HMGXB3: variants seen among roughly 807,000 people sequenced by gnomAD.
HMGXB3 encodes HMG domain-containing protein 3.
A neutral mutation model predicts 121.5 loss-of-function variants in HMGXB3; 45 were observed. That is an observed-to-expected ratio of 0.37 (90% CI 0.29 to 0.47). The LOEUF is 0.47. Among genes scored for constraint, HMGXB3 ranks in the 20% least tolerant of loss-of-function variants. The probability of loss-of-function intolerance (pLI) is 0.99; values close to 1 mark genes in which losing one functional copy is unlikely to be tolerated. For synonymous variants in HMGXB3, 590 were observed against 624.1 expected (o/e 0.95, Z 0.81); for missense variants, 1,376 against 1,602.2 (o/e 0.86, Z 2.41).
At chr5:150,015,005 C>T in intron 5 of HMGXB3, 1 of 674,836 alleles carries the variant, frequency 1.5e-6, no homozygotes, top group Non-Finnish European at 2.2e-6. Context: ...TCTGCGAATA[C>T]CAAACCACCA....
In HMGXB3 at chr5:150,045,288, G is replaced by A. The variant is rs1288791503; in HGVS notation, c.2731-178G>A. On this transcript the variant is annotated intron_variant, in intron 15 of 19. Coordinates refer to ENST00000502717, the MANE Select transcript of HMGXB3 (RefSeq NM_014983.3). ...ACTATGGTGTGAGGGAAAGAAATGT[G>A]ACCAAAAGGCAGGTGGGTACAGAGC... Among the ~76,000 whole-genome samples, 3 of 152,178 alleles carry A rather than the reference G, an allele frequency of 2.0e-5. No homozygotes were observed. The East Asian group carries it at 5.8e-4, about 29-fold the overall frequency.
chr5:150,028,643 T>C (rs1183724312), intron 9 of HMGXB3, among the ~76,000 whole-genome samples: 1 of 147,448 alleles, frequency 6.8e-6, no homozygotes, highest in African/African-American at 2.5e-5. Context: ...CATAGCTCAC[T>C]GCAGCCTCGA....
rs1316148010 is a variant in HMGXB3, at chr5:150,012,363, G to A, written c.909+10G>A. On this transcript the variant is annotated intron_variant, in intron 5 of 19. Coordinates refer to ENST00000502717, the MANE Select transcript of HMGXB3 (RefSeq NM_014983.3). ...CACCTCCATCAAACTGGTCAGTACT[G>A]TATGTGGGGGATTGATGGCAATTAG... 6.5e-7 allele frequency: 1 copy of A among 1,532,568 alleles called. No individual in the cohort carries two copies. Among genetic ancestry groups the A allele is most frequent in the Non-Finnish European group, 8.9e-7 (1 of 1,129,198 alleles). 94.9% of individuals were successfully genotyped at this position (1,532,568 alleles called of 1,614,324 possible).
At position 150,051,846 on chromosome 5, in the gene HMGXB3, A is replaced by G. The variant is rs1377228921; in HGVS notation, c.3533A>G (p.Gln1178Arg). Residue 1178 changes from glutamine to arginine, a missense_variant, in exon 20 of 20, where the codon CAG (glutamine) becomes CGG (arginine). This residue lies in a region of HMGXB3 where 260 missense variants were observed against 233.2 expected (regional missense o/e 1.11). Coordinates refer to ENST00000502717, the MANE Select transcript of HMGXB3 (RefSeq NM_014983.3). ...CGGCGCATCGTCCATGCAGGCCTACAGCCCAATCCTGGTGACCCCAGTGCT... is the reference window on the plus strand; with the variant it reads ...CGGCGCATCGTCCATGCAGGCCTACGGCCCAATCCTGGTGACCCCAGTGCT... ...ATRRIVHAGL[Q>R]PNPGDPSAGH... 5 of 1,550,616 alleles carry G rather than the reference A, an allele frequency of 3.2e-6. No homozygotes were observed. Among genetic ancestry groups the G allele is most frequent in the East Asian group, 2.4e-5 (1 of 40,942 alleles).
intron 3 of HMGXB3, among the ~76,000 whole-genome samples, chr5:150,007,338 C>A (rs1755725658): frequency 6.6e-6 from 1 of 152,070 alleles, no homozygotes; most frequent in African/African-American, 2.4e-5. Context: ...TTGAGAGTAT[C>A]CCTGTCATGG....
chr5:150,037,364 C>T, intron 12 of HMGXB3, 36 bp from the exon 13 acceptor site: 3 of 1,499,470 alleles, frequency 2.0e-6, no homozygotes, highest in Non-Finnish European at 2.7e-6. Context: ...GTCTCTTTCC[C>T]TTCTTTTTTT....
intron 16 of HMGXB3, among the ~76,000 whole-genome samples, chr5:150,046,908 C>T (rs552391803): frequency 6.8e-5 from 10 of 146,862 alleles, no homozygotes; most frequent in East Asian, 4.1e-4. Flanking sequence ...TTTTTTGAGA[C>T]GGAGTCCTGC....
At chr5:150,015,407 C>T (rs1465248270) in intron 5 of HMGXB3, among the ~76,000 whole-genome samples, 1 of 152,168 alleles carries the variant, frequency 6.6e-6, no homozygotes, top group African/African-American at 2.4e-5. Context: ...GCCCCAGTCT[C>T]TCAGGTAGCT....
Position 150,018,569 on chromosome 5 carries a change from A to G in HMGXB3, c.913A>G (p.Thr305Ala). 6.5e-7 allele frequency: 1 copy of G among 1,545,928 alleles called. No homozygotes were observed. Among genetic ancestry groups the G allele is most frequent in the Non-Finnish European group, 8.7e-7 (1 of 1,144,464 alleles). The stretch of plus-strand genomic sequence containing the variant: ...CTGATGTGCTCTTTATTTACAGACC[A>G]CTACATATACCCGCCGGGGCCATGG... Reference protein sequence around the residue: ...VENPTSIKLTTTYTRRGHGTC... With the variant: ...VENPTSIKLTATYTRRGHGTC... The change falls in exon 6 of 20, where the codon ACT becomes GCT. Residue 305 changes from threonine (T) to alanine (A), a missense_variant. By Grantham distance (58) the Thr-to-Ala change is moderately conservative (BLOSUM62 0). Coordinates refer to ENST00000502717, the MANE Select transcript of HMGXB3 (RefSeq NM_014983.3).
In HMGXB3 at chr5:150,040,967, T is replaced by A. The variant is rs937904308; in HGVS notation, c.2545+88T>A. ...TGGCATTTGGTTAAAAGACTCATTT[T>A]GAAGAAGAGTCTGATTATTTTGAAA... On this transcript the variant is annotated intron_variant, in intron 14 of 19. Coordinates refer to ENST00000502717, the MANE Select transcript of HMGXB3 (RefSeq NM_014983.3). The A allele has an allele frequency of 1.6e-5, 20 of 1,216,860 alleles. No individual in the cohort carries two copies. The African/African-American group carries it at 3.1e-4, about 19-fold the overall frequency. 75.4% of individuals were successfully genotyped at this position (1,216,860 alleles called of 1,614,324 possible).
At chr5:150,035,939 A>G (rs1215111241) in intron 11 of HMGXB3, among the ~76,000 whole-genome samples, 2 of 152,154 alleles carry the variant, frequency 1.3e-5, no homozygotes, top group East Asian at 1.9e-4. Flanking sequence ...TAGAGCCTTC[A>G]TTGCACCATA....
intron 18 of HMGXB3, among the ~76,000 whole-genome samples, chr5:150,049,693 T>C (rs17110875): frequency 0.032 from 4,882 of 152,094 alleles, 251 homozygotes; most frequent in African/African-American, 0.11. Context: ...TGGCATCACT[T>C]GGAGGTGACA....
chr5:150,030,339 T>C (rs1416460686), intron 9 of HMGXB3: 2 of 158,280 alleles, frequency 1.3e-5, no homozygotes, highest in African/African-American at 4.8e-5. Flanking sequence ...TTGTAGATAG[T>C]GGTAAAGAGG....
chr5:150,024,734 T>C (rs879707401), intron 7 of HMGXB3, 54 bp downstream of exon 7: 41 of 1,386,626 alleles, frequency 3.0e-5, no homozygotes, highest in Non-Finnish European at 3.9e-5. Flanking sequence ...CATGTTTCTT[T>C]TATCTCATGT....
Position 150,009,411 on chromosome 5 carries a change from G to C in HMGXB3, c.313-700G>C, listed in dbSNP as rs150889084. Among the ~76,000 whole-genome samples the C allele has an allele frequency of 2.7e-3, 404 of 152,272 alleles. 3 individuals are homozygous for C. The highest frequency in any genetic ancestry group is 4.6e-3 in the Non-Finnish European group (315 of 68,018). On this transcript the variant is annotated intron_variant, in intron 3 of 19. Coordinates refer to ENST00000502717, the MANE Select transcript of HMGXB3 (RefSeq NM_014983.3). ...CATTTTCTAAACCTGAAGGTACTGG[G>C]TCATTGTTAATATTCACATTTTTTT...
intron 10 of HMGXB3, among the ~76,000 whole-genome samples, chr5:150,031,882 C>G (rs1756391132): frequency 6.6e-6 from 1 of 152,034 alleles, no homozygotes; most frequent in Admixed American, 6.6e-5. Context: ...GAGATCTGCT[C>G]AGGTTTCTTT....
chr5:150,011,613 T>TG (rs1374159930), intron 4 of HMGXB3, among the ~76,000 whole-genome samples: 4 of 150,018 alleles, frequency 2.7e-5, no homozygotes, highest in East Asian at 3.9e-4. Context: ...GGTTTTTTTT[T>TG]TTTTTTTTGA....
intron 12 of HMGXB3, 80 bp from the exon 13 acceptor site, chr5:150,037,320 C>A: frequency 7.6e-7 from 1 of 1,322,520 alleles, no homozygotes; most frequent in Non-Finnish European, 1.0e-6. Flanking sequence ...GAGAATTTGC[C>A]ATTGATCACT....
In HMGXB3 at chr5:150,048,645, A is replaced by G; in HGVS notation, c.3161A>G (p.His1054Arg). 1 of 1,551,708 alleles carries G rather than the reference A, an allele frequency of 6.4e-7. No homozygotes were observed. The highest frequency in any genetic ancestry group is 8.7e-7 in the Non-Finnish European group (1 of 1,146,926). The part of the protein sequence containing the change: ...NGARAIRPPR[H>R]FTGGKIYKVC... ...GCTAGAGCTATACGGCCCCCACGTC[A>G]CTTCACAGGTGGTAAAATCTACAAG... The change falls in exon 18 of 20, where the codon CAC becomes CGC. Residue 1054 changes from histidine to arginine, a missense_variant. Transcript: ENST00000502717.
Sources: allele counts gnomAD v4.1 joint callset (sites outside exome capture counted in the v4.1 genomes callset), GRCh38; gene constraint gnomAD v4.1.1; regional missense constraint gnomAD v4.1.1; transcripts MANE v1.5; gene names NCBI Gene and HGNC (gene_info 2026-07-23, HGNC 2026-07-21).